RIN3: variants seen among roughly 807,000 people sequenced by gnomAD.
The protein encoded by RIN3 is Ras and Rab interactor 3.
RIN3 carries 54 observed loss-of-function variants against 76.3 expected under a neutral mutation model. The ratio of observed to expected loss-of-function variants is 0.71; its 90% CI spans 0.57 to 0.89. The LOEUF is 0.89. RIN3 is among the 40% of genes least tolerant of loss of function. RIN3 has a pLI of 0.00. For synonymous variants in RIN3, 576 were observed against 564.0 expected (o/e 1.02, Z -0.30); for missense variants, 1,256 against 1,322.1 (o/e 0.95, Z 0.78).
In RIN3 at chr14:92,652,391, G is replaced by C. The variant is rs374948737; in HGVS notation, c.1342G>C (p.Glu448Gln). 8 of 1,612,154 alleles carry C rather than the reference G, an allele frequency of 5.0e-6. No individual in the cohort carries two copies. Among genetic ancestry groups the C allele is most frequent in the East Asian group, 4.5e-5 (2 of 44,826 alleles). The change falls in exon 6 of 10, where the codon GAG (glutamate) becomes CAG (glutamine). Residue 448 changes from glutamate (E) to glutamine (Q), a missense_variant. Transcript: ENST00000216487. This position sits in a 1 kb window ranked among gnomAD's most constrained non-coding sequence, Gnocchi z 6.4. ...AGCCAGCGATCCTCACAGCATGCCAGAGCTGCCCAGGACAGCCAAACAACC... is the reference window on the plus strand; with the variant it reads ...AGCCAGCGATCCTCACAGCATGCCACAGCTGCCCAGGACAGCCAAACAACC... The part of the protein sequence containing the change: ...VKASDPHSMP[E>Q]LPRTAKQPPV...
chr14:92,519,658 G>A lies in RIN3; in HGVS notation c.44+5682G>A, dbSNP rs1333250227. 2.6e-5 allele frequency among the ~76,000 whole-genome samples: 4 copies of A among 152,220 alleles called. No individual in the cohort carries two copies. The East Asian group carries it at 7.7e-4, about 29-fold the overall frequency. On this transcript the variant is annotated intron_variant, in intron 1 of 9. Coordinates refer to ENST00000216487, the MANE Select transcript of RIN3 (RefSeq NM_024832.5). ...TCCAGGCTGAGGGATGGCGCTCTCT[G>A]CCAGGCCTCGGTCTCCCTGCCCAGG...
chr14:92,680,482 G>A (rs1446990453), intron 8 of RIN3, among the ~76,000 whole-genome samples: 1 of 152,150 alleles, frequency 6.6e-6, no homozygotes, highest in East Asian at 1.9e-4. Context: ...TTACAGGTGT[G>A]AGCCACCATG....
intron 6 of RIN3, among the ~76,000 whole-genome samples, chr14:92,654,549 GTTTC>G (rs1661239077): frequency 6.6e-6 from 1 of 152,204 alleles, no homozygotes; most frequent in Non-Finnish European, 1.5e-5. Flanking sequence ...CGTAGCGAAT[GTTTC>G]TTAGAAAAGG....
chr14:92,536,205 C>T lies in RIN3; in HGVS notation c.45-19546C>T, dbSNP rs115191161. Among the ~76,000 whole-genome samples, 389 of 152,294 alleles carry T rather than the reference C, an allele frequency of 2.6e-3. 1 individual carries two copies. The highest frequency in any genetic ancestry group is 9.1e-3 in the African/African-American group (377 of 41,560). ...AGTGCAGCCTGGATCTTCTCAGCCC[C>T]TTTCATCTCCCTCTGCCTTTTCACA... On this transcript the variant is annotated intron_variant, in intron 1 of 9. Transcript: ENST00000216487.
chr14:92,667,877 G>C (rs1015135243), intron 7 of RIN3, among the ~76,000 whole-genome samples: 1 of 146,102 alleles, frequency 6.8e-6, no homozygotes, highest in East Asian at 2.1e-4. Flanking sequence ...GGAATGGGGG[G>C]GCATCTGAAA....
intron 3 of RIN3, among the ~76,000 whole-genome samples, chr14:92,597,207 CT>C (rs1885180449): frequency 1.3e-5 from 2 of 152,064 alleles, no homozygotes; most frequent in Non-Finnish European, 2.9e-5. Flanking sequence ...AAAGCTGTGT[CT>C]TTTTTTGGCT....
At chr14:92,588,214 CTTTTTTTTTTTTTTTTT>C (rs141155255) in intron 3 of RIN3, among the ~76,000 whole-genome samples, 3 of 58,760 alleles carry the variant, frequency 5.1e-5, no homozygotes, top group African/African-American at 1.4e-4. Flanking sequence ...CCATAGCACT[CTTTTTTTTTTTTTTTTT>C]TTTTTTTTTT....
intron 1 of RIN3, among the ~76,000 whole-genome samples, chr14:92,552,282 C>T (rs1875782663): frequency 6.6e-6 from 1 of 152,212 alleles, no homozygotes; most frequent in Non-Finnish European, 1.5e-5. Flanking sequence ...GCAGCAGCCT[C>T]GTGCTTCAGG....
rs1209363776 is a variant in RIN3, at chr14:92,678,102, CT to C, written c.2467+1497del. On this transcript the variant is annotated intron_variant, in intron 8 of 9. Coordinates refer to ENST00000216487, the MANE Select transcript of RIN3 (RefSeq NM_024832.5). ...TCCACCCATCCATTCACCCATCCAT[CT>C]ATGCACTCATCCACCCATCCACATA... Among the ~76,000 whole-genome samples, 8 of 151,608 alleles carry C rather than the reference CT, an allele frequency of 5.3e-5. No individual in the cohort carries two copies. The East Asian group carries it at 1.4e-3, about 26-fold the overall frequency.
At chr14:92,617,363 G>T (rs1886010612) in intron 4 of RIN3, among the ~76,000 whole-genome samples, 1 of 151,284 alleles carries the variant, frequency 6.6e-6, no homozygotes, top group Non-Finnish European at 1.5e-5. Context: ...TTCTCACTTT[G>T]GTCACTTAGG....
rs181926806 is a variant in RIN3, at chr14:92,639,002, C to T, written c.441-2236C>T. 6.1e-3 allele frequency among the ~76,000 whole-genome samples: 933 copies of T among 152,366 alleles called. 4 individuals are homozygous for T. Among genetic ancestry groups the T allele is most frequent in the Non-Finnish European group, 0.011 (736 of 68,040 alleles). On this transcript the variant is annotated intron_variant, in intron 4 of 9. Transcript: ENST00000216487. Reference sequence around the variant, plus strand: ...AAGCCAACATCGCTGAGCAGAGGTTCCCTGGCAGGGGCCAGCCCCATCCCA... The same window carrying T: ...AAGCCAACATCGCTGAGCAGAGGTTTCCTGGCAGGGGCCAGCCCCATCCCA...
chr14:92,540,137 C>T (rs1430818950), intron 1 of RIN3, among the ~76,000 whole-genome samples: 2 of 152,192 alleles, frequency 1.3e-5, no homozygotes, highest in Admixed American at 1.3e-4. Context: ...AGTTTGAAGG[C>T]CTTTGACCTG....
At chr14:92,666,953 C>A (rs1448127062) in intron 7 of RIN3, among the ~76,000 whole-genome samples, 3 of 152,078 alleles carry the variant, frequency 2.0e-5, no homozygotes, top group Admixed American at 1.3e-4. Flanking sequence ...GGGGATGGAG[C>A]ACACTAATGA....
chr14:92,653,468 G>A (rs1483881745), intron 6 of RIN3, among the ~76,000 whole-genome samples: 5 of 152,104 alleles, frequency 3.3e-5, no homozygotes, highest in Admixed American at 1.3e-4. Context: ...GCTCAAGCTC[G>A]CTCTGCGGCT....
intron 7 of RIN3, among the ~76,000 whole-genome samples, chr14:92,661,075 A>G (rs1887864399): frequency 6.6e-6 from 1 of 152,230 alleles, no homozygotes; most frequent in Non-Finnish European, 1.5e-5. Flanking sequence ...CGCCTGAGGA[A>G]GCTGCTTTAC....
intron 3 of RIN3, chr14:92,586,386 T>A (rs191179575): frequency 6.6e-6 from 1 of 152,360 alleles, no homozygotes; most frequent in African/African-American, 2.4e-5. Context: ...TATCTCACAT[T>A]GGTTATTACT....
At position 92,619,584 on chromosome 14, in the gene RIN3, C is replaced by T. The variant is rs112923505; in HGVS notation, c.440+4105C>T. Among the ~76,000 whole-genome samples, 784 of 151,902 alleles carry T rather than the reference C, an allele frequency of 5.2e-3. 7 individuals carry two copies. The highest frequency in any genetic ancestry group is 0.018 in the African/African-American group (749 of 41,384). ...CCTCCCGAGCAGCTGGGACTACAAG[C>T]GCCTGGCTAATTTTTTGTATTTTTA... On this transcript the variant is annotated intron_variant, in intron 4 of 9. Transcript: ENST00000216487.
At chr14:92,615,306 T>C in intron 3 of RIN3, 101 bp from the exon 4 acceptor site, 1 of 925,320 alleles carries the variant, frequency 1.1e-6, no homozygotes, top group Middle Eastern at 2.3e-4. Flanking sequence ...CCAGAATGTG[T>C]GCAGCAGACA....
chr14:92,563,857 C>T (rs1897846802), intron 2 of RIN3, among the ~76,000 whole-genome samples: 1 of 152,204 alleles, frequency 6.6e-6, no homozygotes, highest in Non-Finnish European at 1.5e-5. Context: ...TTCCAGTCCT[C>T]AGTGGTTCTG....
Sources: gnomAD v4.1 joint callset for allele counts (sites outside exome capture counted in the v4.1 genomes callset) on GRCh38, gnomAD v4.1.1 for gene constraint, Gnocchi (gnomAD v3.1) non-coding constraint, MANE v1.5 for transcripts, NCBI Gene and HGNC (gene_info 2026-07-23, HGNC 2026-07-21) for gene names.